Variants in HEATR4 observed in about 807,000 individuals in gnomAD.
The protein encoded by HEATR4 is HEAT repeat-containing protein 4.
In HEATR4, 95 loss-of-function variants were observed where a neutral mutation model predicts 108.8. The ratio of observed to expected loss-of-function variants is 0.87; its 90% CI spans 0.74 to 1.04. The LOEUF is 1.04. Among genes scored for constraint, HEATR4 ranks in the 50% least tolerant of loss-of-function variants. The pLI is 0.00. For synonymous variants in HEATR4, 443 were observed against 459.4 expected (o/e 0.96, Z 0.46); for missense variants, 1,152 against 1,253.8 (o/e 0.92, Z 1.23).
chr14:73,604,723 A>G, the HEATR4 span, among the ~76,000 whole-genome samples: 2 of 151,976 alleles, frequency 1.3e-5, no homozygotes, highest in Admixed American at 6.6e-5. Flanking sequence ...CCTGACCTCA[A>G]ATGATCCACC....
At chr14:73,567,028 C>T in the HEATR4 span, among the ~76,000 whole-genome samples, 1 of 151,496 alleles carries the variant, frequency 6.6e-6, no homozygotes, top group African/African-American at 2.4e-5. Context: ...AGGATGGTGT[C>T]GATCTCCTGA....
intron 15 of HEATR4, 134 bp from the exon 16 acceptor site, chr14:73,495,521 T>C: frequency 2.9e-6 from 2 of 685,172 alleles, no homozygotes; most frequent in Non-Finnish European, 4.8e-6. Flanking sequence ...AGTTCAAGGC[T>C]ACAGTGAGCT....
chr14:73,608,185 A>C, the HEATR4 span, among the ~76,000 whole-genome samples: 1 of 152,160 alleles, frequency 6.6e-6, no homozygotes, highest in African/African-American at 2.4e-5. Context: ...GGCCTCCCAA[A>C]GTGCTGGGAT....
At chr14:73,592,651 G>C in the HEATR4 span, among the ~76,000 whole-genome samples, 1 of 152,192 alleles carries the variant, frequency 6.6e-6, no homozygotes, top group African/African-American at 2.4e-5. Context: ...TCAGGAGTTT[G>C]AGACCAGACT....
the HEATR4 span, among the ~76,000 whole-genome samples, chr14:73,597,794 A>G: frequency 6.6e-6 from 1 of 150,764 alleles, no homozygotes; most frequent in Non-Finnish European, 1.5e-5. Context: ...GGGTTTTACC[A>G]TATTGGCCAG....
chr14:73,621,598 G>A, the HEATR4 span, among the ~76,000 whole-genome samples: 11 of 152,180 alleles, frequency 7.2e-5, no homozygotes, highest in African/African-American at 2.6e-4. Flanking sequence ...ATGATTTTCT[G>A]AGTACGTACA....
At chr14:73,581,099 A>C in the HEATR4 span, 2 of 150,264 alleles carry the variant, frequency 1.3e-5, no homozygotes, top group Admixed American at 6.7e-5. Context: ...TAACCAGGTA[A>C]TTCCAGGTAA....
the HEATR4 span, among the ~76,000 whole-genome samples, chr14:73,610,608 T>C: frequency 6.6e-6 from 1 of 152,036 alleles, no homozygotes; most frequent in Non-Finnish European, 1.5e-5. Flanking sequence ...CATATTAATA[T>C]GATCAGACAA....
intron 7 of HEATR4, among the ~76,000 whole-genome samples, chr14:73,511,556 TAAATAAATA>T (rs1490499021): frequency 0.023 from 2,258 of 97,822 alleles, 23 homozygotes; most frequent in East Asian, 0.051. Context: ...AATAAATAAA[TAAATAAATA>T]AAATAAAATA....
intron 6 of HEATR4, among the ~76,000 whole-genome samples, 177 bp from the exon 7 acceptor site, chr14:73,512,326 T>G (rs1032821757): frequency 6.6e-6 from 1 of 152,204 alleles, no homozygotes; most frequent in Admixed American, 6.5e-5. Context: ...TGATGATCCA[T>G]GTACCCTCAC....
At chr14:73,500,487 C>G (rs1886383072) in intron 12 of HEATR4, 63 bp downstream of exon 12, 2 of 1,518,236 alleles carry the variant, frequency 1.3e-6, no homozygotes, top group Non-Finnish European at 1.8e-6. Flanking sequence ...TGTGCACAAC[C>G]AGGGAAGGTA....
At chr14:73,499,733 T>A (rs1430928348) in intron 12 of HEATR4, among the ~76,000 whole-genome samples, 1 of 152,140 alleles carries the variant, frequency 6.6e-6, no homozygotes, top group Non-Finnish European at 1.5e-5. Flanking sequence ...ATAATGGAAT[T>A]ATAACTCCAT....
At chr14:73,625,342 G>C in the HEATR4 span, among the ~76,000 whole-genome samples, 1 of 151,710 alleles carries the variant, frequency 6.6e-6, no homozygotes, top group Non-Finnish European at 1.5e-5. Flanking sequence ...ACAGGTGTGA[G>C]CCACCGCGCC....
chr14:73,601,366 C>T, the HEATR4 span, among the ~76,000 whole-genome samples: 1 of 152,088 alleles, frequency 6.6e-6, no homozygotes. Context: ...GAGTTCGAGA[C>T]CAGCTTGGCC....
At chr14:73,574,572 T>C in the HEATR4 span, among the ~76,000 whole-genome samples, 34 of 152,048 alleles carry the variant, frequency 2.2e-4, no homozygotes, top group South Asian at 6.5e-3. Context: ...CATGAGATGA[T>C]GTACTTGTTG....
chr14:73,511,860 A>G (rs1887287804), intron 7 of HEATR4, 146 bp downstream of exon 7: 1 of 810,124 alleles, frequency 1.2e-6, no homozygotes, highest in East Asian at 2.5e-5. Context: ...TATTGCTGAT[A>G]AGCATGTATA....
chr14:73,612,063 C>T, the HEATR4 span, among the ~76,000 whole-genome samples: 2 of 147,690 alleles, frequency 1.4e-5, no homozygotes, highest in Non-Finnish European at 3.0e-5. Context: ...TTTTTTTAGA[C>T]GGAGTTTTGC....
chr14:73,522,244 G>C, intron 3 of HEATR4, 28 bp downstream of exon 3: 1 of 1,596,702 alleles, frequency 6.3e-7, no homozygotes, highest in Non-Finnish European at 8.5e-7. Flanking sequence ...GATTATCAAA[G>C]GTGCACTTGA....
intron 17 of HEATR4, among the ~76,000 whole-genome samples, chr14:73,485,097 G>A (rs1885400424): frequency 6.6e-6 from 1 of 152,002 alleles, no homozygotes; most frequent in Non-Finnish European, 1.5e-5. Flanking sequence ...CTGGGAGGTG[G>A]AGGATGCAGT....
Sources: gnomAD v4.1 joint callset for allele counts (sites outside exome capture counted in the v4.1 genomes callset) on GRCh38, gnomAD v4.1.1 for gene constraint, MANE v1.5 for transcripts, NCBI Gene and HGNC (gene_info 2026-07-23, HGNC 2026-07-21) for gene names.